Variants in ELOVL7 observed in about 807,000 individuals in gnomAD.
ELOVL7 encodes the protein very long chain fatty acid elongase 7.
ELOVL7 carries 27 observed loss-of-function variants against 35.7 expected under a neutral mutation model. The ratio of observed to expected loss-of-function variants is 0.76; its 90% confidence interval spans 0.56 to 1.04. The LOEUF (loss-of-function observed/expected upper bound fraction) is 1.04, where lower values mean the gene tolerates loss of function less well. Among genes scored for constraint, ELOVL7 ranks in the 50% least tolerant of loss-of-function variants. ELOVL7 has a pLI of 0.00. For synonymous variants in ELOVL7, 113 were observed against 114.6 expected (o/e 0.99, Z 0.09); for missense variants, 327 against 340.8 (o/e 0.96, Z 0.32).
intron 1 of ELOVL7, among the ~76,000 whole-genome samples, chr5:60,813,930 T>C (rs1254844016): frequency 6.6e-6 from 1 of 152,136 alleles, no homozygotes; most frequent in Non-Finnish European, 1.5e-5. Flanking sequence ...GTGACCACCA[T>C]GTATGAGATT....
At chr5:60,827,874 A>C (rs1746262021) in intron 1 of ELOVL7, among the ~76,000 whole-genome samples, 1 of 152,032 alleles carries the variant, frequency 6.6e-6, no homozygotes, top group South Asian at 2.1e-4. Context: ...TTGGCCTCCC[A>C]TCCTTCCTGC....
At chr5:60,767,790 T>C (rs1360642273) in intron 5 of ELOVL7, 33 bp downstream of exon 5, 9 of 1,555,336 alleles carry the variant, frequency 5.8e-6, no homozygotes, top group Non-Finnish European at 8.0e-6. Flanking sequence ...AACATTGATT[T>C]TGAATTTCAA....
chr5:60,755,946 AT>A (rs1377774001), intron 8 of ELOVL7, among the ~76,000 whole-genome samples: 9 of 152,214 alleles, frequency 5.9e-5, no homozygotes, highest in Admixed American at 3.9e-4. Flanking sequence ...AGATTTTCAT[AT>A]AGTTTATTTT....
intron 1 of ELOVL7, among the ~76,000 whole-genome samples, chr5:60,841,644 T>A (rs964304267): frequency 6.6e-6 from 1 of 152,218 alleles, no homozygotes; most frequent in African/African-American, 2.4e-5. Flanking sequence ...ATGGCCAGAA[T>A]AACACTGTCG....
At chr5:60,828,525 C>A (rs879444693) in intron 1 of ELOVL7, among the ~76,000 whole-genome samples, 1 of 151,886 alleles carries the variant, frequency 6.6e-6, no homozygotes, top group African/African-American at 2.4e-5. Context: ...TAGTATAGAA[C>A]CTTATGGAAA....
intron 7 of ELOVL7, among the ~76,000 whole-genome samples, chr5:60,763,521 C>T (rs765719929): frequency 6.6e-6 from 1 of 152,166 alleles, no homozygotes; most frequent in Non-Finnish European, 1.5e-5. Flanking sequence ...AATCCCCCAA[C>T]CAAATTTTCC....
At chr5:60,792,606 C>A (rs992987754) in intron 2 of ELOVL7, among the ~76,000 whole-genome samples, 6 of 152,090 alleles carry the variant, frequency 3.9e-5, no homozygotes, top group Non-Finnish European at 8.8e-5. Flanking sequence ...GTGGCATGTG[C>A]CTGTAGTTCC....
intron 1 of ELOVL7, among the ~76,000 whole-genome samples, chr5:60,800,275 T>A (rs1333344192): frequency 6.6e-6 from 1 of 152,114 alleles, no homozygotes; most frequent in African/African-American, 2.4e-5. Flanking sequence ...ATAAAAAGGA[T>A]CATTCACTAT....
chr5:60,775,753 T>C (rs1225894375), intron 3 of ELOVL7, among the ~76,000 whole-genome samples: 1 of 152,206 alleles, frequency 6.6e-6, no homozygotes, highest in African/African-American at 2.4e-5. Flanking sequence ...CAATAGATGG[T>C]GCTAGGAAAA....
intron 1 of ELOVL7, among the ~76,000 whole-genome samples, chr5:60,807,073 C>G (rs948718873): frequency 1.3e-5 from 2 of 152,162 alleles, no homozygotes; most frequent in African/African-American, 4.8e-5. Context: ...GCCTCTTCCC[C>G]CAGCTGCACT....
At chr5:60,838,833 G>T (rs1047445998) in intron 1 of ELOVL7, among the ~76,000 whole-genome samples, 1 of 151,320 alleles carries the variant, frequency 6.6e-6, no homozygotes, top group Non-Finnish European at 1.5e-5. Context: ...AGAGCAGCCT[G>T]GCCAACATAG....
In ELOVL7 at chr5:60,794,674, T is replaced by C. The variant is rs531515958; in HGVS notation, c.-35+4506A>G. Reference sequence around the variant, plus strand: ...GCACATGGCTTTCTAGGGCATACCTTTAATCCAGGAACACAGCTATATGGT... The same window carrying C: ...GCACATGGCTTTCTAGGGCATACCTCTAATCCAGGAACACAGCTATATGGT... On this transcript the variant is annotated intron_variant, in intron 2 of 8. Coordinates refer to ENST00000508821, the MANE Select transcript of ELOVL7 (RefSeq NM_024930.3). 3.2e-4 allele frequency among the ~76,000 whole-genome samples: 49 copies of C among 152,342 alleles called. 1 individual carries two copies. The South Asian group carries it at 0.01, about 32-fold the overall frequency.
chr5:60,806,390 CTA>C (rs1158662332), intron 1 of ELOVL7, among the ~76,000 whole-genome samples: 1 of 151,990 alleles, frequency 6.6e-6, no homozygotes, highest in Non-Finnish European at 1.5e-5. Flanking sequence ...CCAGGGTTAC[CTA>C]TAAAAAGAGG....
chr5:60,840,094 C>T (rs760730459), intron 1 of ELOVL7, among the ~76,000 whole-genome samples: 7 of 152,072 alleles, frequency 4.6e-5, no homozygotes, highest in Non-Finnish European at 1.0e-4. Context: ...TAGAAAAAAT[C>T]CTACTTTCTC....
chr5:60,762,718 A>G (rs1404664685), intron 7 of ELOVL7, among the ~76,000 whole-genome samples: 1 of 152,216 alleles, frequency 6.6e-6, no homozygotes, highest in Non-Finnish European at 1.5e-5. Flanking sequence ...TTAAAAATAG[A>G]ATAGTCATCT....
Position 60,754,459 on chromosome 5 carries a change from T to C in ELOVL7, c.*165A>G. ...TAGGCTCTAATTATCAGAAGACTGTTATCTGGAAGCTTCGGGCTCTCAAAT... is the reference window on the plus strand; with the variant it reads ...TAGGCTCTAATTATCAGAAGACTGTCATCTGGAAGCTTCGGGCTCTCAAAT... On this transcript the variant is annotated 3_prime_UTR_variant, in exon 9 of 9. Coordinates refer to ENST00000508821, the MANE Select transcript of ELOVL7 (RefSeq NM_024930.3). 1.6e-6 allele frequency: 1 copy of C among 630,970 alleles called. No individual in the cohort carries two copies. The highest frequency in any genetic ancestry group is 2.2e-5 in the South Asian group (1 of 45,126). 39.1% of individuals were successfully genotyped at this position (630,970 alleles called of 1,614,324 possible). A position where few individuals can be genotyped will look rare whatever the true frequency, so the allele number is the denominator to read the frequency against.
intron 1 of ELOVL7, among the ~76,000 whole-genome samples, chr5:60,836,779 G>A (rs1746822364): frequency 6.6e-6 from 1 of 151,980 alleles, no homozygotes; most frequent in African/African-American, 2.4e-5. Flanking sequence ...GGATGGGGCT[G>A]TATTTAGATT....
chr5:60,766,906 T>C (rs1254797688), intron 5 of ELOVL7, among the ~76,000 whole-genome samples: 1 of 152,204 alleles, frequency 6.6e-6, no homozygotes, highest in Non-Finnish European at 1.5e-5. Flanking sequence ...TCTGTGTCTA[T>C]GAATTTGACT....
At chr5:60,763,548 C>G (rs773457602) in intron 7 of ELOVL7, among the ~76,000 whole-genome samples, 12 of 152,098 alleles carry the variant, frequency 7.9e-5, no homozygotes, top group Non-Finnish European at 1.6e-4. Context: ...AAGAATATAT[C>G]CTTGGGGATA....
Sources: gnomAD v4.1 joint callset for allele counts (sites outside exome capture counted in the v4.1 genomes callset) on GRCh38, gnomAD v4.1.1 for gene constraint, MANE v1.5 for transcripts, NCBI Gene and HGNC (gene_info 2026-07-23, HGNC 2026-07-21) for gene names.